Variants in RPS6KC1 observed in about 807,000 individuals in gnomAD.
RPS6KC1 encodes ribosomal protein S6 kinase C1.
Under a neutral mutation model 103.8 loss-of-function variants are expected in RPS6KC1, and 54 were observed. The ratio of observed to expected loss-of-function variants is 0.52; its 90% CI spans 0.42 to 0.65. RPS6KC1 has a LOEUF of 0.65. Among genes scored for constraint, RPS6KC1 ranks in the 30% least tolerant of loss-of-function variants. The pLI is 0.00. For synonymous variants in RPS6KC1, 439 were observed against 438.7 expected, an observed-to-expected ratio of 1.00 and a Z score of -0.01; for missense variants, 1,151 against 1,253.8, an observed-to-expected ratio of 0.92 and a Z score of 1.24.
the RPS6KC1 span, among the ~76,000 whole-genome samples, chr1:213,675,478 C>T: frequency 1.3e-5 from 2 of 152,184 alleles, no homozygotes; most frequent in East Asian, 3.9e-4. Context: ...CAGTGTTATT[C>T]TTTCGCATAT....
the RPS6KC1 span, among the ~76,000 whole-genome samples, chr1:213,441,998 A>C: frequency 5.9e-5 from 9 of 152,356 alleles, no homozygotes; most frequent in East Asian, 1.7e-3. Flanking sequence ...CAATTTAAAA[A>C]GAGGCTAACT....
the RPS6KC1 span, among the ~76,000 whole-genome samples, chr1:213,536,460 C>T: frequency 1.3e-5 from 2 of 152,194 alleles, no homozygotes; most frequent in Non-Finnish European, 2.9e-5. Flanking sequence ...TGAATATAAA[C>T]TGCATGAGGA....
At chr1:213,150,846 G>A (rs1387377054) in intron 6 of RPS6KC1, among the ~76,000 whole-genome samples, 1 of 152,182 alleles carries the variant, frequency 6.6e-6, no homozygotes, top group East Asian at 1.9e-4. Flanking sequence ...CCCAGACGGG[G>A]TGGTGGCCGG....
chr1:213,602,664 A>G, the RPS6KC1 span, among the ~76,000 whole-genome samples: 4,096 of 152,172 alleles, frequency 0.027, 104 homozygotes, highest in African/African-American at 0.062. Flanking sequence ...GGGGTTTTCT[A>G]TTTCCCAGGT....
At chr1:213,418,405 G>A in the RPS6KC1 span, among the ~76,000 whole-genome samples, 1 of 152,072 alleles carries the variant, frequency 6.6e-6, no homozygotes, top group Non-Finnish European at 1.5e-5. Flanking sequence ...GGGGACCAAG[G>A]GTGAGGTTGC....
the RPS6KC1 span, among the ~76,000 whole-genome samples, chr1:213,325,618 C>T: frequency 2.0e-5 from 3 of 152,152 alleles, no homozygotes; most frequent in Non-Finnish European, 2.9e-5. Context: ...GGGTCTGGCA[C>T]GGATAGATGG....
At chr1:213,742,310 T>C in the RPS6KC1 span, among the ~76,000 whole-genome samples, 2 of 152,238 alleles carry the variant, frequency 1.3e-5, no homozygotes, top group Non-Finnish European at 2.9e-5. Flanking sequence ...AGTTAACACT[T>C]AAAGCTCTGG....
the RPS6KC1 span, among the ~76,000 whole-genome samples, chr1:213,357,194 C>T: frequency 6.6e-6 from 1 of 152,340 alleles, no homozygotes; most frequent in Admixed American, 6.5e-5. Context: ...ATTAAATCAG[C>T]TTTCTTGGTG....
chr1:213,737,624 A>G, the RPS6KC1 span, among the ~76,000 whole-genome samples: 2 of 152,178 alleles, frequency 1.3e-5, no homozygotes, highest in African/African-American at 2.4e-5. Flanking sequence ...GGGCAAGGTT[A>G]TGCAACTGGT....
the RPS6KC1 span, among the ~76,000 whole-genome samples, chr1:213,548,861 A>G: frequency 0.012 from 1,836 of 152,300 alleles, 23 homozygotes; most frequent in African/African-American, 0.038. Flanking sequence ...TGTATTCAAT[A>G]TATATTTCCT....
chr1:213,775,522 C>A, the RPS6KC1 span, among the ~76,000 whole-genome samples: 1 of 152,128 alleles, frequency 6.6e-6, no homozygotes, highest in Non-Finnish European at 1.5e-5. Flanking sequence ...TGTGCAATAG[C>A]ATTATAACTA....
chr1:213,430,104 A>T, the RPS6KC1 span, among the ~76,000 whole-genome samples: 4 of 152,174 alleles, frequency 2.6e-5, no homozygotes, highest in Non-Finnish European at 5.9e-5. Flanking sequence ...GTCGTCTTCC[A>T]CTGGCTTACT....
the RPS6KC1 span, among the ~76,000 whole-genome samples, chr1:213,854,854 T>C: frequency 9.3e-3 from 1,414 of 152,332 alleles, 23 homozygotes; most frequent in African/African-American, 0.032. Context: ...CCCAGGTCCC[T>C]GTCTTAGTCA....
the RPS6KC1 span, among the ~76,000 whole-genome samples, chr1:213,457,121 T>C: frequency 1.8e-4 from 28 of 152,326 alleles, no homozygotes; most frequent in African/African-American, 6.5e-4. Flanking sequence ...CCTATATCTG[T>C]GAGGGCTGGA....
the RPS6KC1 span, among the ~76,000 whole-genome samples, chr1:213,737,042 C>T: frequency 6.6e-6 from 1 of 152,184 alleles, no homozygotes; most frequent in Non-Finnish European, 1.5e-5. Flanking sequence ...AAACCAGCTC[C>T]CGGCTTGCTC....
chr1:213,712,107 C>T, the RPS6KC1 span, among the ~76,000 whole-genome samples: 10 of 152,342 alleles, frequency 6.6e-5, no homozygotes, highest in East Asian at 5.8e-4. Flanking sequence ...ACTGAAACTG[C>T]GCCCACAGCC....
At chr1:213,417,599 G>C in the RPS6KC1 span, among the ~76,000 whole-genome samples, 1 of 151,898 alleles carries the variant, frequency 6.6e-6, no homozygotes, top group Admixed American at 6.6e-5. Flanking sequence ...GAGGTGGTGG[G>C]AACTGCAGTC....
chr1:213,100,579 CCTT>C (rs1219353169), intron 3 of RPS6KC1, among the ~76,000 whole-genome samples: 2 of 152,110 alleles, frequency 1.3e-5, no homozygotes, highest in Non-Finnish European at 2.9e-5. Context: ...ACAGTTATCT[CCTT>C]CTTTCCATCC....
At chr1:213,289,987 C>T in the RPS6KC1 span, among the ~76,000 whole-genome samples, 4 of 151,956 alleles carry the variant, frequency 2.6e-5, no homozygotes, top group African/African-American at 4.8e-5. Flanking sequence ...TGCAGTGAGC[C>T]GAGATCGCAC....
Sources: allele counts gnomAD v4.1 joint callset (sites outside exome capture counted in the v4.1 genomes callset), GRCh38; gene constraint gnomAD v4.1.1; transcripts MANE v1.5; gene names NCBI Gene and HGNC (gene_info 2026-07-23, HGNC 2026-07-21).